FBXL5: variants seen among roughly 807,000 people sequenced by gnomAD.
FBXL5 encodes the protein F-box/LRR-repeat protein 5.
FBXL5 carries 26 observed loss-of-function variants against 78.3 expected under a neutral mutation model. The ratio of observed to expected loss-of-function variants is 0.33; its 90% confidence interval spans 0.24 to 0.46. The LOEUF (loss-of-function observed/expected upper bound fraction) is 0.46. Ranked by LOEUF, FBXL5 falls within the 20% of genes least tolerant of loss-of-function variation. The probability of loss-of-function intolerance (pLI) is 1.00; values close to 1 mark genes in which losing one functional copy is unlikely to be tolerated. For synonymous variants in FBXL5, 295 were observed against 282.5 expected (o/e 1.04, Z -0.45); for missense variants, 710 against 829.2 (o/e 0.86, Z 1.77).
intron 1 of FBXL5, among the ~76,000 whole-genome samples, chr4:15,674,456 A>T (rs1291570790): frequency 6.6e-6 from 1 of 151,904 alleles, no homozygotes; most frequent in Non-Finnish European, 1.5e-5. Flanking sequence ...ATGTCCCCCA[A>T]TTTTTATTAT....
chr4:15,619,893 A>T (rs1394620302), intron 9 of FBXL5, among the ~76,000 whole-genome samples: 2 of 152,054 alleles, frequency 1.3e-5, no homozygotes, highest in African/African-American at 4.8e-5. Flanking sequence ...TATACAGAAA[A>T]CCCTAAAACC....
At chr4:15,644,342 TTAAA>T (rs1715167869) in intron 2 of FBXL5, 147 bp downstream of exon 2, 1 of 656,514 alleles carries the variant, frequency 1.5e-6, no homozygotes. Context: ...GTAGTTCTTT[TTAAA>T]TAGTCTTCCT....
At position 15,604,876 on chromosome 4, in the gene FBXL5, C is replaced by G. The variant is rs1721782076; in HGVS notation, c.*847G>C. The G allele has an allele frequency of 6.6e-6, 1 of 152,206 alleles. No homozygotes were observed. The highest frequency in any genetic ancestry group is 2.4e-5 in the African/African-American group (1 of 41,464). The allele number at this position is 152,206 out of a possible 1,614,324, so 9.4% of individuals were successfully genotyped here. ...AAAGAAAATTCAGCTCAATAAAATTCAGTATCTGTCTAAAACTATTTGTCA... is the reference window on the plus strand; with the variant it reads ...AAAGAAAATTCAGCTCAATAAAATTGAGTATCTGTCTAAAACTATTTGTCA... On this transcript the variant is annotated 3_prime_UTR_variant, in exon 11 of 11. Coordinates refer to ENST00000341285, the MANE Select transcript of FBXL5 (RefSeq NM_012161.4).
chr4:15,656,298 C>T (rs1254309843), upstream of FBXL5: 1 of 456,236 alleles, frequency 2.2e-6, no homozygotes, highest in Non-Finnish European at 4.4e-6. Context: ...AGACTCTGTT[C>T]TCTGCTCACG....
upstream of FBXL5, chr4:15,656,338 T>C: frequency 2.2e-6 from 1 of 456,124 alleles, no homozygotes; most frequent in Non-Finnish European, 4.4e-6. Flanking sequence ...TTGGCTGGAG[T>C]ACTGCTGGAC....
intron 9 of FBXL5, among the ~76,000 whole-genome samples, chr4:15,616,436 A>G (rs1160063818): frequency 6.6e-6 from 1 of 152,202 alleles, no homozygotes; most frequent in Non-Finnish European, 1.5e-5. Flanking sequence ...AGCAGGGCTA[A>G]GATCTTGCCC....
At chr4:15,620,902 G>A (rs1011531155) in intron 9 of FBXL5, among the ~76,000 whole-genome samples, 3 of 152,302 alleles carry the variant, frequency 2.0e-5, no homozygotes, top group Admixed American at 6.5e-5. Context: ...ATTTCTTTAA[G>A]TTGGCCCATC....
At chr4:15,645,220 G>A (rs1715240640) in intron 1 of FBXL5, among the ~76,000 whole-genome samples, 1 of 152,028 alleles carries the variant, frequency 6.6e-6, no homozygotes, top group Admixed American at 6.6e-5. Flanking sequence ...ATGACGGTCT[G>A]ATGACAGAGC....
In FBXL5 at chr4:15,628,737, G is replaced by A. The variant is rs552925678; in HGVS notation, c.893-704C>T. ...TTTGTTACTCATGGTTCCTTGTTTA[G>A]ATATTATCCTAAATTCCTCCTTTAG... On this transcript the variant is annotated intron_variant, in intron 6 of 10. Coordinates refer to ENST00000341285, the MANE Select transcript of FBXL5 (RefSeq NM_012161.4). 8.6e-5 allele frequency among the ~76,000 whole-genome samples: 13 copies of A among 150,554 alleles called. No homozygotes were observed. In the South Asian group the frequency reaches 2.5e-3, roughly 29 times the overall value.
intron 1 of FBXL5, among the ~76,000 whole-genome samples, chr4:15,673,347 G>C (rs1717842442): frequency 6.6e-6 from 1 of 152,008 alleles, no homozygotes; most frequent in African/African-American, 2.4e-5. Context: ...AGGCTGAGGT[G>C]GGAGGATCAC....
intron 9 of FBXL5, among the ~76,000 whole-genome samples, chr4:15,624,777 C>T (rs1424923963): frequency 6.6e-6 from 1 of 152,108 alleles, no homozygotes; most frequent in Non-Finnish European, 1.5e-5. Context: ...ACATATGAAA[C>T]TCTAGCTCAG....
chr4:15,644,408 C>G lies in FBXL5; in HGVS notation c.300+85G>C, dbSNP rs930574933. ...ATTTTTTTCAACATTACATCATTTA[C>G]TATAAAACAGTGACAAGTTTTGCCA... On this transcript the variant is annotated intron_variant, in intron 2 of 10. Coordinates refer to ENST00000341285, the MANE Select transcript of FBXL5 (RefSeq NM_012161.4). The G allele has an allele frequency of 6.5e-6, 7 of 1,077,608 alleles. No individual in the cohort carries two copies. In the East Asian group the frequency reaches 1.7e-4, roughly 26 times the overall value. 66.8% of individuals were successfully genotyped at this position (1,077,608 alleles called of 1,614,324 possible). A position where few individuals can be genotyped will look rare whatever the true frequency, so the allele number is the denominator to read the frequency against.
chr4:15,636,215 A>C (rs970829441), intron 5 of FBXL5, among the ~76,000 whole-genome samples: 1 of 152,158 alleles, frequency 6.6e-6, no homozygotes, highest in African/African-American at 2.4e-5. Flanking sequence ...TGTATCTATC[A>C]CTTATCTTCA....
At chr4:15,673,242 C>A (rs771494605) in intron 1 of FBXL5, among the ~76,000 whole-genome samples, 1 of 152,104 alleles carries the variant, frequency 6.6e-6, no homozygotes, top group Non-Finnish European at 1.5e-5. Flanking sequence ...AAGTTTGAAA[C>A]CAGCCTGGAC....
At chr4:15,610,133 G>A (rs896685567) in intron 10 of FBXL5, among the ~76,000 whole-genome samples, 3 of 152,026 alleles carry the variant, frequency 2.0e-5, no homozygotes, top group African/African-American at 7.2e-5. Context: ...GGATGCCCCT[G>A]AGCATTCACT....
intron 5 of FBXL5, among the ~76,000 whole-genome samples, chr4:15,635,070 G>T (rs896766495): frequency 6.6e-6 from 1 of 152,094 alleles, no homozygotes; most frequent in Non-Finnish European, 1.5e-5. Flanking sequence ...GGTGGCTCAA[G>T]CCCGTAATCC....
chr4:15,639,748 G>A (rs1046201715), intron 3 of FBXL5, among the ~76,000 whole-genome samples: 10 of 152,134 alleles, frequency 6.6e-5, no homozygotes, highest in African/African-American at 1.9e-4. Context: ...GTCAATGCAT[G>A]TCCTCTGATT....
chr4:15,630,536 G>T, intron 6 of FBXL5, 130 bp downstream of exon 6: 1 of 743,114 alleles, frequency 1.3e-6, no homozygotes, highest in Non-Finnish European at 1.9e-6. Flanking sequence ...ATTTTAAAAA[G>T]TAGTAGGCTT....
rs1190673921 is a variant in FBXL5 at position 15,644,366 on chromosome 4, T to C, written c.300+127A>G. 6.6e-6 allele frequency: 5 copies of C among 755,496 alleles called. No homozygotes were observed. In the East Asian group the frequency reaches 1.1e-4, roughly 16 times the overall value. The allele number at this position is 755,496 out of a possible 1,614,324, so 46.8% of individuals were successfully genotyped here. ...TTTAAATAGTCTTCCTTGCCATCTT[T>C]AACAAGTGACAAAATAATTTTTTTC... On this transcript the variant is annotated intron_variant, in intron 2 of 10. Transcript: ENST00000341285.
Sources: gnomAD v4.1 joint callset for allele counts (sites outside exome capture counted in the v4.1 genomes callset) on GRCh38, gnomAD v4.1.1 for gene constraint, MANE v1.5 for transcripts, NCBI Gene and HGNC (gene_info 2026-07-23, HGNC 2026-07-21) for gene names.